PIK3R6: variants seen among roughly 807,000 people sequenced by gnomAD.
PIK3R6 encodes the protein phosphoinositide-3-kinase regulatory subunit 6, also known as phosphoinositide 3-kinase regulatory subunit 6.
In PIK3R6, 91 loss-of-function variants were observed where a neutral mutation model predicts 84.9. The ratio of observed to expected loss-of-function variants is 1.07; its 90% CI spans 0.90 to 1.28. The LOEUF (loss-of-function observed/expected upper bound fraction) is 1.28. Ranked by LOEUF, PIK3R6 falls within the 50% of genes most tolerant of loss-of-function variation. PIK3R6 has a pLI of 0.00. For missense variants in PIK3R6, 996 were observed against 985.1 expected (o/e 1.01, Z -0.15); for synonymous variants, 416 against 411.4 (o/e 1.01, Z -0.13).
In PIK3R6 at chr17:8,867,640, G is replaced by A. The variant is rs1029287835; in HGVS notation, c.-203C>T. ...AGATGTCTTGGGGGAGCCTCCACGGGTGTCTGTGGTCTTGACTGTGCTCTT... is the reference window on the plus strand; with the variant it reads ...AGATGTCTTGGGGGAGCCTCCACGGATGTCTGTGGTCTTGACTGTGCTCTT... On this transcript the variant is annotated 5_prime_UTR_variant, in exon 1 of 20. Coordinates refer to ENST00000619866, the MANE Select transcript of PIK3R6 (RefSeq NM_001010855.4). The A allele has an allele frequency of 2.0e-6, 1 of 491,626 alleles. No individual in the cohort carries two copies. Among genetic ancestry groups the A allele is most frequent in the Admixed American group, 2.0e-5 (1 of 50,366 alleles). The allele number at this position is 491,626 out of a possible 1,614,324, so 30.5% of individuals were successfully genotyped here.
At chr17:8,809,604 G>A (rs1417742375) in intron 18 of PIK3R6, among the ~76,000 whole-genome samples, 1 of 152,112 alleles carries the variant, frequency 6.6e-6, no homozygotes, top group African/African-American at 2.4e-5. Context: ...AGACTAGCCT[G>A]GGCAACGTAG....
intron 18 of PIK3R6, among the ~76,000 whole-genome samples, chr17:8,812,906 A>T (rs1464659179): frequency 6.6e-6 from 1 of 151,698 alleles, no homozygotes; most frequent in African/African-American, 2.4e-5. Flanking sequence ...TCAGAGCAGA[A>T]CTAAATGGAA....
At chr17:8,819,346 C>A (rs1237352714) in intron 17 of PIK3R6, 148 bp from the exon 18 acceptor site, 4 of 541,518 alleles carry the variant, frequency 7.4e-6, no homozygotes, top group Non-Finnish European at 1.3e-5. Flanking sequence ...CTGCTTGGTC[C>A]CAGCCAAGTT....
intron 17 of PIK3R6, among the ~76,000 whole-genome samples, chr17:8,820,272 C>T (rs139700474): frequency 6.6e-6 from 1 of 152,042 alleles, no homozygotes; most frequent in African/African-American, 2.4e-5. Context: ...CATCATCAGA[C>T]TGGTTCTGAT....
chr17:8,841,626 T>A (rs1042400897), intron 2 of PIK3R6, among the ~76,000 whole-genome samples: 1 of 152,146 alleles, frequency 6.6e-6, no homozygotes, highest in Non-Finnish European at 1.5e-5. Context: ...AATGCAATAG[T>A]CTTGGATAAG....
At chr17:8,833,830 G>A (rs1405598675) in intron 8 of PIK3R6, among the ~76,000 whole-genome samples, 2 of 151,718 alleles carry the variant, frequency 1.3e-5, no homozygotes, top group Non-Finnish European at 2.9e-5. Context: ...GTGAACCACC[G>A]CGCTTGGCCG....
chr17:8,803,677 G>A lies in PIK3R6; in HGVS notation c.2109-248C>T, dbSNP rs918693370. The stretch of plus-strand genomic sequence containing the variant: ...CCTCCCTTACCCAAACACACCTCCC[G>A]AGGGGAAGCCAGTAAGGGTCAGCTA... On this transcript the variant is annotated intron_variant, in intron 19 of 19. Transcript: ENST00000619866. This position sits in a 1 kb window ranked among gnomAD's most constrained non-coding sequence, Gnocchi z 5.0. 25 of 549,314 alleles carry A rather than the reference G, an allele frequency of 4.6e-5. No individual in the cohort carries two copies. Among genetic ancestry groups the A allele is most frequent in the South Asian group, 1.9e-4 (8 of 42,280 alleles). 34.0% of individuals were successfully genotyped at this position (549,314 alleles called of 1,614,324 possible).
In PIK3R6 at chr17:8,831,328, T is replaced by TAAAAAAAAAA. The variant is rs60650147; in HGVS notation, c.803-1546_803-1537dup. ...CTGGGTGACAGAGCAAGACCCTGTC[T>TAAAAAAAAAA]AAAAAAAAAAAAAAAAAAAAAAAAA... On this transcript the variant is annotated intron_variant, in intron 9 of 19. Transcript: ENST00000619866. Among the ~76,000 whole-genome samples the TAAAAAAAAAA allele has an allele frequency of 1.8e-4, 6 of 33,080 alleles. 1 individual carries two copies. Among genetic ancestry groups the TAAAAAAAAAA allele is most frequent in the African/African-American group, 5.6e-4 (4 of 7,118 alleles). The allele number at this position is 33,080 out of a possible 152,430, so 21.7% of individuals were successfully genotyped here.
Position 8,819,068 on chromosome 17 carries a change from C to T in PIK3R6, c.1995+15G>A, listed in dbSNP as rs1567572727. The T allele has an allele frequency of 1.3e-6, 2 of 1,559,376 alleles. No homozygotes were observed. Among genetic ancestry groups the T allele is most frequent in the Non-Finnish European group, 1.7e-6 (2 of 1,144,786 alleles). On this transcript the variant is annotated intron_variant, in intron 18 of 19. Coordinates refer to ENST00000619866, the MANE Select transcript of PIK3R6 (RefSeq NM_001010855.4). ...CAGCTGGCTGTCTCCCTTTCCCAGT[C>T]TACTCAGTACTTACAGAGAAGGACT...
chr17:8,829,597 T>C (rs113371052), intron 10 of PIK3R6, 109 bp downstream of exon 10: 31 of 1,118,708 alleles, frequency 2.8e-5, no homozygotes, highest in African/African-American at 2.1e-4. Context: ...CACACACTCA[T>C]GCATACACAC....
chr17:8,815,467 C>T (rs2087501596), intron 18 of PIK3R6, among the ~76,000 whole-genome samples: 1 of 150,988 alleles, frequency 6.6e-6, no homozygotes, highest in Non-Finnish European at 1.5e-5. Flanking sequence ...GATCTCACCA[C>T]TGCACTCCAA....
chr17:8,853,985 C>A (rs902483226), intron 1 of PIK3R6, among the ~76,000 whole-genome samples: 1 of 149,792 alleles, frequency 6.7e-6, no homozygotes, highest in Non-Finnish European at 1.5e-5. Flanking sequence ...AAAGTCAATT[C>A]TCTCCAAAAT....
intron 2 of PIK3R6, among the ~76,000 whole-genome samples, chr17:8,843,954 A>C (rs1056708184): frequency 2.0e-5 from 3 of 152,142 alleles, no homozygotes; most frequent in Non-Finnish European, 4.4e-5. Context: ...GGTGCAGAAG[A>C]AGGTTGATGC....
Position 8,827,164 on chromosome 17 carries a change from T to C in PIK3R6, c.1515+8A>G. The C allele has an allele frequency of 1.2e-6, 2 of 1,611,454 alleles. No homozygotes were observed. The highest frequency in any genetic ancestry group is 8.5e-7 in the Non-Finnish European group (1 of 1,178,620). On this transcript the variant is annotated splice_region_variant and intron_variant, in intron 13 of 19. Transcript: ENST00000619866. ...CTCTCCCTCCCTGGTACCCTCACCC[T>C]CCCCTACCATCTCAGCCAGCTTGTG...
Position 8,821,915 on chromosome 17 carries a change from G to A in PIK3R6, c.1810C>T (p.Arg604Ter), listed in dbSNP as rs373852885. 7.4e-5 allele frequency: 118 copies of A among 1,587,498 alleles called. No individual in the cohort carries two copies. Among genetic ancestry groups the A allele is most frequent in the African/African-American group, 9.4e-5 (7 of 74,424 alleles). ...GCCCGCAGGGAAACGGTGACCTCTC[G>A]GGGCCGGTGGCTAAGCAAGGCCTGA... ...YQKALLSHRP[R>*]EVTVSLRATG... is the part of the protein sequence containing the mutation. Residue 604 changes from arginine (R) to a stop codon, truncating the protein, a stop_gained, in exon 17 of 20, where the codon CGA becomes TGA. Coordinates refer to ENST00000619866, the MANE Select transcript of PIK3R6 (RefSeq NM_001010855.4). LOFTEE classifies it high-confidence loss of function.
chr17:8,832,949 C>A lies in PIK3R6; in HGVS notation c.742G>T (p.Val248Leu), dbSNP rs765714511. 1 of 1,612,958 alleles carries A rather than the reference C, an allele frequency of 6.2e-7. No individual in the cohort carries two copies. The highest frequency in any genetic ancestry group is 8.5e-7 in the Non-Finnish European group (1 of 1,179,748). Residue 248 changes from valine to leucine, a missense_variant, in exon 9 of 20, where the codon GTA becomes TTA. Coordinates refer to ENST00000619866, the MANE Select transcript of PIK3R6 (RefSeq NM_001010855.4). ...CAGTAAATCTCCTCCAGCCTCTCTA[C>A]GTGTCCCTCCCGGCTCGGGCTGGCC... ...SEASPSREGH[V>L]ERLEEIYCSL...
At chr17:8,836,675 C>T in intron 6 of PIK3R6, 59 bp from the exon 7 acceptor site, 1 of 1,613,432 alleles carries the variant, frequency 6.2e-7, no homozygotes, top group Non-Finnish European at 8.5e-7. Context: ...CATTCTCCAC[C>T]TTCCTACAGA....
At chr17:8,822,461 C>T (rs1046150919) in intron 16 of PIK3R6, 126 bp downstream of exon 16, 51 of 1,091,422 alleles carry the variant, frequency 4.7e-5, no homozygotes, top group Middle Eastern at 4.0e-4. Flanking sequence ...GGGAACTCTG[C>T]GGGCAGCTTC....
intron 18 of PIK3R6, among the ~76,000 whole-genome samples, chr17:8,814,023 C>T (rs868369583): frequency 3.4e-4 from 51 of 152,200 alleles, no homozygotes; most frequent in Middle Eastern, 6.8e-3. Context: ...CATCCCTGGC[C>T]CCCTTTACTC....
Sources: allele counts gnomAD v4.1 joint callset (sites outside exome capture counted in the v4.1 genomes callset), GRCh38; gene constraint gnomAD v4.1.1; non-coding constraint Gnocchi (gnomAD v3.1); transcripts MANE v1.5; gene names NCBI Gene and HGNC (gene_info 2026-07-23, HGNC 2026-07-21).